RIMKLB: variants seen among roughly 807,000 people sequenced by gnomAD.
RIMKLB encodes beta-citrylglutamate synthase B.
A neutral mutation model predicts 32.0 loss-of-function variants in RIMKLB; 7 were observed. That is an observed-to-expected ratio of 0.22 (90% CI 0.12 to 0.41). RIMKLB has a LOEUF of 0.41. RIMKLB is among the 10% of genes least tolerant of loss of function. RIMKLB has a pLI of 1.00. For missense variants in RIMKLB, 289 were observed against 498.7 expected (o/e 0.58, Z 4.00); for synonymous variants, 172 against 185.1 (o/e 0.93, Z 0.57).
chr12:8,750,257 G>T (rs1376423317), intron 3 of RIMKLB, among the ~76,000 whole-genome samples, 165 bp downstream of exon 3: 3 of 152,100 alleles, frequency 2.0e-5, no homozygotes, highest in Non-Finnish European at 4.4e-5. Context: ...CATATTATGG[G>T]GGAAAATAGG....
At chr12:8,762,734 G>A (rs780051834) in intron 5 of RIMKLB, among the ~76,000 whole-genome samples, 41 of 152,256 alleles carry the variant, frequency 2.7e-4, no homozygotes, top group Non-Finnish European at 7.4e-5. Context: ...TGCCAGCTGA[G>A]CGCTAGTTCC....
chr12:8,777,032 T>C lies in RIMKLB; in HGVS notation c.*3248T>C. On this transcript the variant is annotated 3_prime_UTR_variant, in exon 6 of 6. Coordinates refer to ENST00000535829, the MANE Select transcript of RIMKLB (RefSeq NM_001297776.2). Reference sequence around the variant, plus strand: ...TGAGAAGGTTTATGGGCTATTTGGCTGGTGAGACACGATCCCCTCCTAAGA... The same window carrying C: ...TGAGAAGGTTTATGGGCTATTTGGCCGGTGAGACACGATCCCCTCCTAAGA... 1.0e-6 allele frequency: 1 copy of C among 985,854 alleles called. No individual in the cohort carries two copies. The highest frequency in any genetic ancestry group is 1.2e-6 in the Non-Finnish European group (1 of 829,948). 61.1% of individuals were successfully genotyped at this position (985,854 alleles called of 1,614,324 possible).
At chr12:8,694,457 C>G (rs10842130), upstream of RIMKLB, among the ~76,000 whole-genome samples, 30,224 of 146,922 alleles carry the variant, frequency 0.21, 3,443 homozygotes, top group Non-Finnish European at 0.26. Flanking sequence ...GTGCACTGGC[C>G]CAATGTTGGC....
intron 5 of RIMKLB, among the ~76,000 whole-genome samples, chr12:8,756,294 C>T (rs1671168626): frequency 6.6e-6 from 1 of 152,212 alleles, no homozygotes; most frequent in Admixed American, 6.5e-5. Flanking sequence ...GCACTCCAGC[C>T]TGTCTCAAAA....
In RIMKLB at chr12:8,719,053, A is replaced by T. The variant is rs769636559; in HGVS notation, c.175+5012A>T. Among the ~76,000 whole-genome samples the T allele has an allele frequency of 1.6e-3, 236 of 151,754 alleles. 2 individuals are homozygous for T. The highest frequency in any genetic ancestry group is 5.6e-3 in the African/African-American group (230 of 41,376). On this transcript the variant is annotated intron_variant, in intron 2 of 5. Transcript: ENST00000535829. ...TCCTTTCTCTTTCTCCCTCCTGTTC[A>T]TCCTCCTCCTTCCCTCCCTCTCACC...
Position 8,698,179 on chromosome 12 carries a change from C to T in RIMKLB, c.-175C>T. ...GGAGAAAGGAGGCGGCTCCCGGTAT[C>T]CCGACCCCCTCCCCCTCCTCTCCTT... On this transcript the variant is annotated 5_prime_UTR_variant, in exon 1 of 6. Transcript: ENST00000535829. The T allele has an allele frequency of 1.8e-5, 6 of 337,552 alleles. No homozygotes were observed. Among genetic ancestry groups the T allele is most frequent in the South Asian group, 9.7e-5 (5 of 51,598 alleles). 20.9% of individuals were successfully genotyped at this position (337,552 alleles called of 1,614,324 possible). A position where few individuals can be genotyped will look rare whatever the true frequency, so the allele number is the denominator to read the frequency against.
chr12:8,694,029 G>C (rs1942810684), upstream of RIMKLB, among the ~76,000 whole-genome samples: 2 of 152,122 alleles, frequency 1.3e-5, no homozygotes. Flanking sequence ...GATCACTTGA[G>C]GTCAGGAGTT....
chr12:8,672,349 T>C, the RIMKLB span, among the ~76,000 whole-genome samples: 2 of 152,212 alleles, frequency 1.3e-5, no homozygotes, highest in African/African-American at 4.8e-5. Flanking sequence ...TACCCCACTC[T>C]GTTGGTACCA....
intron 5 of RIMKLB, among the ~76,000 whole-genome samples, chr12:8,769,132 T>G (rs954196710): frequency 2.0e-5 from 3 of 152,320 alleles, no homozygotes; most frequent in South Asian, 2.1e-4. Flanking sequence ...GGTTCTCATT[T>G]TCCTTTGTGA....
In RIMKLB at chr12:8,774,978, G is replaced by A. The variant is rs1950646397; in HGVS notation, c.*1194G>A. On this transcript the variant is annotated 3_prime_UTR_variant, in exon 6 of 6. Coordinates refer to ENST00000535829, the MANE Select transcript of RIMKLB (RefSeq NM_001297776.2). ...AAAATGGAGCATGATGGGAAACAGAGTTTTTGACTTTAAAAAACAGATGAG... is the reference window on the plus strand; with the variant it reads ...AAAATGGAGCATGATGGGAAACAGAATTTTTGACTTTAAAAAACAGATGAG... The A allele has an allele frequency of 1.0e-6, 1 of 985,690 alleles. No homozygotes were observed. Among genetic ancestry groups the A allele is most frequent in the Non-Finnish European group, 1.2e-6 (1 of 829,904 alleles). The allele number at this position is 985,690 out of a possible 1,614,324, so 61.1% of individuals were successfully genotyped here.
Position 8,773,981 on chromosome 12 carries a change from A to T in RIMKLB, c.*197A>T. ...ACTTTCATTTACAAATCCTACAAAT[A>T]GAGAGGCAGAATAGGTGGGGTATAG... On this transcript the variant is annotated 3_prime_UTR_variant, in exon 6 of 6. Coordinates refer to ENST00000535829, the MANE Select transcript of RIMKLB (RefSeq NM_001297776.2). The T allele has an allele frequency of 7.2e-7, 1 of 1,390,086 alleles. No homozygotes were observed. Among genetic ancestry groups the T allele is most frequent in the Non-Finnish European group, 9.3e-7 (1 of 1,075,888 alleles). The allele number at this position is 1,390,086 out of a possible 1,614,324, so 86.1% of individuals were successfully genotyped here.
intron 5 of RIMKLB, among the ~76,000 whole-genome samples, chr12:8,758,546 G>GATTA (rs1179529342): frequency 6.6e-6 from 1 of 151,996 alleles, no homozygotes; most frequent in Admixed American, 6.6e-5. Flanking sequence ...GACAAAAATT[G>GATTA]TCCCTTTTAA....
chr12:8,700,365 T>C (rs1367956255), intron 1 of RIMKLB: 1 of 152,252 alleles, frequency 6.6e-6, no homozygotes, highest in East Asian at 1.9e-4. Flanking sequence ...GGTAAGTCAC[T>C]AGATTTATTT....
At chr12:8,753,008 A>G (rs981290843) in intron 4 of RIMKLB, among the ~76,000 whole-genome samples, 3 of 152,168 alleles carry the variant, frequency 2.0e-5, no homozygotes, top group Admixed American at 6.5e-5. Context: ...GGCCTCCCCA[A>G]GTGTTGGTAT....
upstream of RIMKLB, among the ~76,000 whole-genome samples, chr12:8,694,387 A>ATTTTTTTTTTTTTTTTTT (rs769859426): frequency 8.4e-6 from 1 of 119,076 alleles, no homozygotes; most frequent in African/African-American, 3.3e-5. Context: ...ATCCTGTTGA[A>ATTTTTTTTTTTTTTTTTT]TTTTTTTTCT....
chr12:8,733,399 G>C (rs2137336188), intron 2 of RIMKLB, among the ~76,000 whole-genome samples: 1 of 152,004 alleles, frequency 6.6e-6, no homozygotes, highest in Admixed American at 6.5e-5. Flanking sequence ...TACAAGATGA[G>C]ATCCATCGTG....
At chr12:8,780,268 A>T (rs1355667356), downstream of RIMKLB, 1 of 152,208 alleles carries the variant, frequency 6.6e-6, no homozygotes, top group East Asian at 1.9e-4. Flanking sequence ...CATAGGTTGT[A>T]GGGGTAGGTA....
chr12:8,751,729 C>A (rs1475145477), intron 3 of RIMKLB, among the ~76,000 whole-genome samples: 3 of 152,140 alleles, frequency 2.0e-5, no homozygotes, highest in Non-Finnish European at 4.4e-5. Flanking sequence ...CTGAAAGATA[C>A]TTAAGTTAGA....
intron 2 of RIMKLB, among the ~76,000 whole-genome samples, chr12:8,728,360 T>C (rs772898538): frequency 2.6e-5 from 4 of 152,174 alleles, no homozygotes; most frequent in Non-Finnish European, 5.9e-5. Context: ...TTTAGTGGTA[T>C]AGTGGTAAGG....
Sources: gnomAD v4.1 joint callset for allele counts (sites outside exome capture counted in the v4.1 genomes callset) on GRCh38, gnomAD v4.1.1 for gene constraint, MANE v1.5 for transcripts, NCBI Gene and HGNC (gene_info 2026-07-23, HGNC 2026-07-21) for gene names.